ADCY9: variants seen among roughly 807,000 people sequenced by gnomAD.
ADCY9 encodes adenylate cyclase type 9.
A neutral mutation model predicts 101.5 loss-of-function variants in ADCY9; 50 were observed. The observed-to-expected ratio is 0.49, with a 90% confidence interval of 0.39 to 0.62. The LOEUF (loss-of-function observed/expected upper bound fraction) is 0.62, where lower values mean the gene tolerates loss of function less well. Ranked by LOEUF, ADCY9 falls within the 20% of genes least tolerant of loss-of-function variation. ADCY9 has a pLI of 0.00. For missense variants in ADCY9, 1,662 were observed against 1,800.4 expected, an observed-to-expected ratio of 0.92 and a Z score of 1.39; for synonymous variants, 905 against 769.3, an observed-to-expected ratio of 1.18 and a Z score of -2.92.
At position 3,965,941 on chromosome 16, in the gene ADCY9, G is replaced by C. The variant is rs192788160; in HGVS notation, c.3896C>G (p.Thr1299Arg). 6.2e-7 allele frequency: 1 copy of C among 1,614,062 alleles called. No homozygotes were observed. Among genetic ancestry groups the C allele is most frequent in the Non-Finnish European group, 8.5e-7 (1 of 1,180,052 alleles). The stretch of plus-strand genomic sequence containing the variant: ...GGACAGGTGGGCATCCTTGGCCTGC[G>C]TGCTGCTGTCAGAACCCAGAGATGT... ...DKTSLGSDSS[T>R]QAKDAHLSPK... Residue 1299 changes from threonine to arginine, a missense_variant, in exon 11 of 11, where the codon ACG becomes AGG. By Grantham distance (71) the Thr-to-Arg change is moderately conservative. Coordinates refer to ENST00000294016, the MANE Select transcript of ADCY9 (RefSeq NM_001116.4).
chr16:4,109,379 G>A lies in ADCY9; in HGVS notation c.1693+4371C>T, dbSNP rs148480561. On this transcript the variant is annotated intron_variant, in intron 2 of 10. Coordinates refer to ENST00000294016, the MANE Select transcript of ADCY9 (RefSeq NM_001116.4). ...TAAAAATTCTTGTCCCCTATTACAA[G>A]AGCAGGAATTGTTGTCTGTTTTGTT... Among the ~76,000 whole-genome samples, 3 of 152,294 alleles carry A rather than the reference G, an allele frequency of 2.0e-5. No homozygotes were observed. The East Asian group carries it at 5.8e-4, about 29-fold the overall frequency.
chr16:3,953,806 A>G (rs1170493589), intron 5 of ADCY9, among the ~76,000 whole-genome samples: 1 of 152,232 alleles, frequency 6.6e-6, no homozygotes, highest in African/African-American at 2.4e-5. Flanking sequence ...GCAGCCATCC[A>G]ACACCACGAA....
intron 2 of ADCY9, among the ~76,000 whole-genome samples, chr16:4,046,939 G>T (rs548136482): frequency 6.6e-6 from 1 of 152,212 alleles, no homozygotes; most frequent in East Asian, 1.9e-4. Context: ...GAGCTCTGGA[G>T]GTCGAGGCTG....
chr16:4,011,128 C>A (rs556131736), intron 2 of ADCY9, among the ~76,000 whole-genome samples: 1 of 152,140 alleles, frequency 6.6e-6, no homozygotes, highest in Non-Finnish European at 1.5e-5. Flanking sequence ...GGGGCGAGGT[C>A]AGCCCGGCAA....
At chr16:4,016,060 G>A (rs2283497) in intron 2 of ADCY9, among the ~76,000 whole-genome samples, 1 of 151,934 alleles carries the variant, frequency 6.6e-6, no homozygotes, top group South Asian at 2.1e-4. Flanking sequence ...AGTTGATTCA[G>A]GTAAACAGGG....
chr16:3,976,897 A>G (rs189977711), intron 9 of ADCY9, among the ~76,000 whole-genome samples: 1 of 152,192 alleles, frequency 6.6e-6, no homozygotes, highest in African/African-American at 2.4e-5. Context: ...ACCTCAGGTG[A>G]TCTGCCTGCC....
chr16:3,961,924 G>A (rs957771043), downstream of ADCY9, among the ~76,000 whole-genome samples: 1 of 152,130 alleles, frequency 6.6e-6, no homozygotes, highest in African/African-American at 2.4e-5. Context: ...TGCTAGGGAG[G>A]CTGAGGCACG....
chr16:4,104,100 G>C (rs924284962), intron 2 of ADCY9, among the ~76,000 whole-genome samples: 16 of 152,186 alleles, frequency 1.1e-4, no homozygotes, highest in Non-Finnish European at 2.1e-4. Flanking sequence ...GTTCAGGCTT[G>C]AGTACGGGCA....
chr16:4,014,653 G>A (rs888121509), intron 2 of ADCY9, among the ~76,000 whole-genome samples: 5 of 151,990 alleles, frequency 3.3e-5, no homozygotes, highest in African/African-American at 1.2e-4. Flanking sequence ...TTGCCATGCT[G>A]GACAGGCTGG....
rs964962588 is a variant in ADCY9 at position 4,085,742 on chromosome 16, A to G, written c.1693+28008T>C. 2.0e-5 allele frequency among the ~76,000 whole-genome samples: 3 copies of G among 152,036 alleles called. No individual in the cohort carries two copies. In the South Asian group the frequency reaches 6.2e-4, roughly 32 times the overall value. On this transcript the variant is annotated intron_variant, in intron 2 of 10. Coordinates refer to ENST00000294016, the MANE Select transcript of ADCY9 (RefSeq NM_001116.4). ...CACCTGGGAACTTGCAGGAATGCAC[A>G]TTCTTGCCCCACCCTGGACCCGCTG...
intron 2 of ADCY9, among the ~76,000 whole-genome samples, chr16:4,059,258 G>A (rs1166655597): frequency 1.3e-5 from 2 of 151,560 alleles, no homozygotes; most frequent in Non-Finnish European, 2.9e-5. Flanking sequence ...GCGGGTGCCT[G>A]TAATCCCAGC....
rs754433408 is a variant in ADCY9 at position 4,115,435 on chromosome 16, G to A, written c.8C>T (p.Ser3Phe). 1 of 1,547,150 alleles carries A rather than the reference G, an allele frequency of 6.5e-7. No individual in the cohort carries two copies. Among genetic ancestry groups the A allele is most frequent in the East Asian group, 2.4e-5 (1 of 41,484 alleles). The change falls in exon 2 of 11, where the codon TCC (serine) becomes TTC (phenylalanine). Residue 3 changes from serine (S) to phenylalanine (F), a missense_variant. This residue lies in a region of ADCY9 where 422 missense variants were observed against 392.0 expected (regional missense o/e 1.08). Coordinates refer to ENST00000294016, the MANE Select transcript of ADCY9 (RefSeq NM_001116.4). This position sits in a 1 kb window ranked among gnomAD's most constrained non-coding sequence, Gnocchi z 6.2. MA[S>F]PPHQQLLHHH... ...ATGCAGCAGCTGCTGGTGGGGTGGG[G>A]AAGCCATGTTGTCGAGTCCCGGGGC... is the stretch of plus-strand genomic sequence containing the variant.
chr16:3,974,269 C>T (rs1349819838), intron 10 of ADCY9, among the ~76,000 whole-genome samples: 1 of 152,192 alleles, frequency 6.6e-6, no homozygotes, highest in African/African-American at 2.4e-5. Flanking sequence ...TGGTCTCCAT[C>T]TCCTGACCTC....
At chr16:4,098,952 G>C (rs755194460) in intron 2 of ADCY9, among the ~76,000 whole-genome samples, 21 of 151,906 alleles carry the variant, frequency 1.4e-4, no homozygotes, top group Non-Finnish European at 2.5e-4. Flanking sequence ...TGTTTTTGGA[G>C]ACAGAGTTCT....
At chr16:4,100,112 G>A (rs532871145) in intron 2 of ADCY9, among the ~76,000 whole-genome samples, 20 of 152,154 alleles carry the variant, frequency 1.3e-4, no homozygotes, top group African/African-American at 4.8e-4. Context: ...GTGAGAGTGA[G>A]GGAGTTCTCA....
intron 2 of ADCY9, among the ~76,000 whole-genome samples, chr16:4,039,205 C>G (rs959416798): frequency 6.6e-6 from 1 of 152,168 alleles, no homozygotes; most frequent in African/African-American, 2.4e-5. Context: ...TTTCCACCCC[C>G]ATCTCCCATG....
intron 2 of ADCY9, among the ~76,000 whole-genome samples, chr16:4,057,768 T>A (rs773427998): frequency 1.3e-5 from 2 of 152,130 alleles, no homozygotes; most frequent in Non-Finnish European, 2.9e-5. Flanking sequence ...CGGCGTGTTC[T>A]CGATGTGTGA....
chr16:4,056,465 G>C (rs1326357833), intron 2 of ADCY9, among the ~76,000 whole-genome samples: 1 of 152,150 alleles, frequency 6.6e-6, no homozygotes, highest in Non-Finnish European at 1.5e-5. Context: ...TGTTGGCCAG[G>C]CTGGTCTGAA....
chr16:4,079,385 A>G (rs960857467), intron 2 of ADCY9, among the ~76,000 whole-genome samples: 2 of 152,172 alleles, frequency 1.3e-5, no homozygotes, highest in Non-Finnish European at 2.9e-5. Context: ...CCTGGCCAAC[A>G]TGTTGAAACC....
Sources: allele counts gnomAD v4.1 joint callset (sites outside exome capture counted in the v4.1 genomes callset), GRCh38; gene constraint gnomAD v4.1.1; regional missense constraint gnomAD v4.1.1; non-coding constraint Gnocchi (gnomAD v3.1); transcripts MANE v1.5; gene names NCBI Gene and HGNC (gene_info 2026-07-23, HGNC 2026-07-21).